The following CAMKMT variants were observed in gnomAD, a reference collection of about 807,000 sequenced individuals.
CAMKMT encodes calmodulin-lysine N-methyltransferase, also known as CaM KMT.
In CAMKMT, 53 loss-of-function variants were observed where a neutral mutation model predicts 48.0. The observed-to-expected ratio is 1.10, with a 90% CI of 0.89 to 1.39. The LOEUF is 1.39. Ranked by LOEUF, CAMKMT falls within the 40% of genes most tolerant of loss-of-function variation. The pLI, the probability that CAMKMT is intolerant of heterozygous loss-of-function variation, is 0.00. For missense variants in CAMKMT, 428 were observed against 402.7 expected, an observed-to-expected ratio of 1.06 and a Z score of -0.54; for synonymous variants, 165 against 152.3, an observed-to-expected ratio of 1.08 and a Z score of -0.61.
chr2:44,641,210 G>C (rs796705112), intron 3 of CAMKMT, among the ~76,000 whole-genome samples: 7 of 152,254 alleles, frequency 4.6e-5, no homozygotes, highest in African/African-American at 1.7e-4. Context: ...TCAAGAGTAA[G>C]GCAGTGGTTG....
chr2:44,412,851 A>G (rs1413801558), intron 3 of CAMKMT, among the ~76,000 whole-genome samples: 17 of 151,258 alleles, frequency 1.1e-4, no homozygotes. Flanking sequence ...GGAGGTGGGC[A>G]GATTACCTGA....
chr2:44,435,024 G>A (rs1038638395), intron 3 of CAMKMT, among the ~76,000 whole-genome samples: 2 of 152,022 alleles, frequency 1.3e-5, no homozygotes, highest in East Asian at 1.9e-4. Flanking sequence ...TATGAGCATC[G>A]TTAGGTTCTT....
chr2:44,702,794 C>T (rs1677325347), intron 3 of CAMKMT, among the ~76,000 whole-genome samples: 1 of 152,190 alleles, frequency 6.6e-6, no homozygotes. Flanking sequence ...CTGGGCTTCC[C>T]TGCAACAAAT....
chr2:44,436,998 C>A (rs1364733209), intron 3 of CAMKMT, among the ~76,000 whole-genome samples: 1 of 152,122 alleles, frequency 6.6e-6, no homozygotes, highest in Non-Finnish European at 1.5e-5. Flanking sequence ...TTGACAGTTA[C>A]AGAATTTATA....
intron 3 of CAMKMT, among the ~76,000 whole-genome samples, chr2:44,562,548 C>T (rs764792610): frequency 1.6e-4 from 25 of 152,018 alleles, no homozygotes; most frequent in Non-Finnish European, 3.4e-4. Flanking sequence ...GCTAGTAAGC[C>T]GTGACTTCAA....
chr2:44,658,760 A>G (rs1479468302), intron 3 of CAMKMT, among the ~76,000 whole-genome samples: 2 of 152,106 alleles, frequency 1.3e-5, no homozygotes, highest in African/African-American at 4.8e-5. Flanking sequence ...GATAACTCTA[A>G]TTGTCTTCAG....
chr2:44,428,094 G>C (rs1684398930), intron 3 of CAMKMT, among the ~76,000 whole-genome samples: 1 of 152,198 alleles, frequency 6.6e-6, no homozygotes, highest in African/African-American at 2.4e-5. Context: ...AACCAGCTCA[G>C]TGGAGGGTCA....
intron 3 of CAMKMT, among the ~76,000 whole-genome samples, chr2:44,646,471 G>A (rs1673739537): frequency 6.6e-6 from 1 of 152,128 alleles, no homozygotes; most frequent in South Asian, 2.1e-4. Flanking sequence ...ATTCCATCCA[G>A]TGATTCTGAA....
At chr2:44,521,281 C>G (rs561481664) in intron 3 of CAMKMT, among the ~76,000 whole-genome samples, 1 of 151,882 alleles carries the variant, frequency 6.6e-6, no homozygotes, top group African/African-American at 2.4e-5. Flanking sequence ...ACTATTATCC[C>G]AATATTTTTT....
intron 9 of CAMKMT, among the ~76,000 whole-genome samples, chr2:44,757,520 A>T (rs1680431339): frequency 6.6e-6 from 1 of 151,368 alleles, no homozygotes; most frequent in Admixed American, 6.6e-5. Context: ...CTGAGTATCT[A>T]TTCAAGGCTA....
intron 3 of CAMKMT, among the ~76,000 whole-genome samples, chr2:44,600,007 A>G (rs1389637260): frequency 6.6e-6 from 1 of 152,132 alleles, no homozygotes; most frequent in African/African-American, 2.4e-5. Flanking sequence ...AAGTTGTGGA[A>G]ACTTTCCAAT....
chr2:44,694,023 G>C (rs939008586), intron 3 of CAMKMT, among the ~76,000 whole-genome samples: 4 of 152,202 alleles, frequency 2.6e-5, no homozygotes, highest in African/African-American at 9.6e-5. Flanking sequence ...TAGATGTGTT[G>C]TCATCATGGA....
At position 44,571,521 on chromosome 2, in the gene CAMKMT, A is replaced by G. The variant is rs570909040; in HGVS notation, c.377-132762A>G. ...TTTTAAATTAATGTAATATTGATAA[A>G]TAGCAATCCTGTGTATTCTCTTATT... On this transcript the variant is annotated intron_variant, in intron 3 of 10. Coordinates refer to ENST00000378494, the MANE Select transcript of CAMKMT (RefSeq NM_024766.5). Among the ~76,000 whole-genome samples the G allele has an allele frequency of 1.6e-4, 24 of 152,358 alleles. No individual in the cohort carries two copies. In the South Asian group the frequency reaches 4.3e-3, roughly 28 times the overall value.
At chr2:44,638,039 A>G (rs1673231534) in intron 3 of CAMKMT, among the ~76,000 whole-genome samples, 1 of 143,724 alleles carries the variant, frequency 7.0e-6, no homozygotes, top group African/African-American at 2.5e-5. Context: ...TGGGCGACCG[A>G]GCGAGACTCC....
chr2:44,627,816 CA>C (rs1240163579), intron 3 of CAMKMT, among the ~76,000 whole-genome samples: 1 of 144,908 alleles, frequency 6.9e-6, no homozygotes, highest in African/African-American at 2.6e-5. Context: ...TCTCATTCCT[CA>C]GCCTCCCGAG....
At chr2:44,707,086 T>C (rs910150600) in intron 5 of CAMKMT, among the ~76,000 whole-genome samples, 4 of 151,818 alleles carry the variant, frequency 2.6e-5, no homozygotes, top group African/African-American at 4.8e-5. Context: ...GTGACAGCCT[T>C]GTATGATGGC....
chr2:44,717,488 A>T (rs1450235307), intron 7 of CAMKMT, among the ~76,000 whole-genome samples: 1 of 152,182 alleles, frequency 6.6e-6, no homozygotes, highest in Non-Finnish European at 1.5e-5. Context: ...TCCCACCCAT[A>T]ACCAGTACAA....
chr2:44,674,259 A>G lies in CAMKMT; in HGVS notation c.377-30024A>G, dbSNP rs149770121. On this transcript the variant is annotated intron_variant, in intron 3 of 10. Transcript: ENST00000378494. Reference sequence around the variant, plus strand: ...AGGTTGATAATCCAAAAGGGTATGCAAACCCCTGTGATTTATACTTGGTTA... The same window carrying G: ...AGGTTGATAATCCAAAAGGGTATGCGAACCCCTGTGATTTATACTTGGTTA... Among the ~76,000 whole-genome samples the G allele has an allele frequency of 1.8e-3, 267 of 152,342 alleles. 3 individuals carry two copies. Among genetic ancestry groups the G allele is most frequent in the African/African-American group, 6.1e-3 (255 of 41,574 alleles).
At chr2:44,492,889 C>CTTT (rs11400501) in intron 3 of CAMKMT, among the ~76,000 whole-genome samples, 11 of 142,854 alleles carry the variant, frequency 7.7e-5, no homozygotes, top group Non-Finnish European at 1.1e-4. Context: ...CATATTGTAT[C>CTTT]TTTTTTTTTT....
Sources: gnomAD v4.1 joint callset for allele counts (sites outside exome capture counted in the v4.1 genomes callset) on GRCh38, gnomAD v4.1.1 for gene constraint, MANE v1.5 for transcripts, NCBI Gene and HGNC (gene_info 2026-07-23, HGNC 2026-07-21) for gene names.